Variants in ITGB5 observed in about 807,000 individuals in gnomAD.
The protein encoded by ITGB5 is integrin beta-5.
A neutral mutation model predicts 84.8 loss-of-function variants in ITGB5; 38 were observed. That is an observed-to-expected ratio of 0.45 (90% CI 0.35 to 0.59). The LOEUF (loss-of-function observed/expected upper bound fraction) is 0.59, where lower values mean the gene tolerates loss of function less well. Ranked by LOEUF, ITGB5 falls within the 20% of genes least tolerant of loss-of-function variation. The probability of loss-of-function intolerance (pLI) is 0.01; values close to 1 mark genes in which losing one functional copy is unlikely to be tolerated. For synonymous variants in ITGB5, 393 were observed against 414.4 expected, an observed-to-expected ratio of 0.95 and a Z score of 0.63; for missense variants, 905 against 1,034.5, an observed-to-expected ratio of 0.87 and a Z score of 1.72.
intron 1 of ITGB5, among the ~76,000 whole-genome samples, chr3:124,881,537 A>G (rs72974566): frequency 0.023 from 3,570 of 152,272 alleles, 132 homozygotes; most frequent in African/African-American, 0.081. Context: ...TATACTGGGT[A>G]TAAAAGATCA....
intron 1 of ITGB5, among the ~76,000 whole-genome samples, chr3:124,885,221 G>T (rs190486175): frequency 6.6e-6 from 1 of 152,096 alleles, no homozygotes; most frequent in South Asian, 2.1e-4. Flanking sequence ...AGTGAGCCGA[G>T]ATGGCACCAC....
chr3:124,764,294 A>G lies in ITGB5; in HGVS notation c.2304+97T>C, dbSNP rs1267527239. On this transcript the variant is annotated intron_variant, in intron 14 of 14. Coordinates refer to ENST00000296181, the MANE Select transcript of ITGB5 (RefSeq NM_002213.5). ...TGTTGATTCTTTTGTTTTTAATGCC[A>G]AAGACATTAGTGAGCCTCTATTGCT... The G allele has an allele frequency of 6.9e-6, 9 of 1,301,016 alleles. No individual in the cohort carries two copies. In the East Asian group the frequency reaches 1.4e-4, roughly 20 times the overall value. 80.6% of individuals were successfully genotyped at this position (1,301,016 alleles called of 1,614,324 possible). A position where few individuals can be genotyped will look rare whatever the true frequency, so the allele number is the denominator to read the frequency against.
chr3:124,799,232 T>C lies in ITGB5; in HGVS notation c.1264-2415A>G, dbSNP rs149271355. Reference sequence around the variant, plus strand: ...CAAGGTGAGTAAAGATTCAATCCACTTGGACACTGAAATTGGTTAAAGGAT... The same window carrying C: ...CAAGGTGAGTAAAGATTCAATCCACCTGGACACTGAAATTGGTTAAAGGAT... On this transcript the variant is annotated intron_variant, in intron 9 of 14. Coordinates refer to ENST00000296181, the MANE Select transcript of ITGB5 (RefSeq NM_002213.5). 1.9e-3 allele frequency among the ~76,000 whole-genome samples: 295 copies of C among 152,208 alleles called. 1 individual carries two copies. Among genetic ancestry groups the C allele is most frequent in the African/African-American group, 7.0e-3 (291 of 41,514 alleles).
chr3:124,783,389 A>G (rs1172267896), intron 10 of ITGB5, among the ~76,000 whole-genome samples: 2 of 151,966 alleles, frequency 1.3e-5, no homozygotes, highest in African/African-American at 4.8e-5. Context: ...ACGTAGGTAT[A>G]GAATCACTTG....
intron 10 of ITGB5, chr3:124,781,040 G>T (rs937259733): frequency 3.9e-5 from 6 of 152,392 alleles, no homozygotes; most frequent in Admixed American, 3.9e-4. Context: ...TGGTGTCTGT[G>T]TGGCTGAGGG....
chr3:124,877,137 ATTTTT>A lies in ITGB5; in HGVS notation c.71-3611_71-3607del, dbSNP rs34843039. Among the ~76,000 whole-genome samples the A allele has an allele frequency of 1.9e-3, 240 of 126,746 alleles. 1 individual carries two copies. The highest frequency in any genetic ancestry group is 6.5e-3 in the African/African-American group (217 of 33,164). 83.2% of individuals were successfully genotyped at this position (126,746 alleles called of 152,430 possible). ...AGGTACACATCACCACACCTGGCTA[ATTTTT>A]TTTTTTTTTTTTTGTGGTGGAAGAC... On this transcript the variant is annotated intron_variant, in intron 1 of 14. Coordinates refer to ENST00000296181, the MANE Select transcript of ITGB5 (RefSeq NM_002213.5).
In ITGB5 at chr3:124,868,409, G is replaced by C. The variant is rs554007190; in HGVS notation, c.156+5037C>G. On this transcript the variant is annotated intron_variant, in intron 2 of 14. Transcript: ENST00000296181. ...GTGACCCATACATCCTGGTCTCAGA[G>C]TAGGGGAGAGTCTGGCGACTCTGGA... Among the ~76,000 whole-genome samples the C allele has an allele frequency of 1.8e-4, 27 of 152,192 alleles. No homozygotes were observed. In the Middle Eastern group the frequency reaches 0.01, roughly 58 times the overall value.
intron 9 of ITGB5, among the ~76,000 whole-genome samples, chr3:124,805,644 G>A (rs563745607): frequency 1.4e-4 from 21 of 152,096 alleles, no homozygotes; most frequent in Admixed American, 2.6e-4. Context: ...AGAGATGGGG[G>A]TCTCATTTCA....
rs766548284 is a variant in ITGB5 at position 124,841,374 on chromosome 3, GA to G, written c.780+8del. On this transcript the variant is annotated splice_region_variant and intron_variant, in intron 5 of 14. Coordinates refer to ENST00000296181, the MANE Select transcript of ITGB5 (RefSeq NM_002213.5). ...CCCATGCAGGGACAGGACCAGAAAG[GA>G]AAGTTACCTTGCAGACGGCTGCCTG... 5.0e-6 allele frequency: 8 copies of G among 1,612,946 alleles called. No individual in the cohort carries two copies. Among genetic ancestry groups the G allele is most frequent in the Non-Finnish European group, 5.9e-6 (7 of 1,179,332 alleles).
intron 8 of ITGB5, among the ~76,000 whole-genome samples, chr3:124,815,121 C>G (rs188828024): frequency 2.1e-4 from 32 of 152,322 alleles, no homozygotes; most frequent in African/African-American, 7.5e-4. Flanking sequence ...CTTATGAGAT[C>G]CCATGCATGG....
Position 124,841,995 on chromosome 3 carries a change from C to T in ITGB5, c.612-444G>A, listed in dbSNP as rs61760568. On this transcript the variant is annotated intron_variant, in intron 4 of 14. Transcript: ENST00000296181. ...AGTTACTCCATGCAACCAGCTTCTA[C>T]ATCAATGTTGCTGCCACGCAACAAA... Among the ~76,000 whole-genome samples the T allele has an allele frequency of 7.1e-3, 1,081 of 152,362 alleles. 8 individuals carry two copies. Among genetic ancestry groups the T allele is most frequent in the Non-Finnish European group, 0.013 (852 of 68,038 alleles).
chr3:124,813,267 C>T (rs1272849741), intron 8 of ITGB5, among the ~76,000 whole-genome samples: 1 of 152,182 alleles, frequency 6.6e-6, no homozygotes, highest in Non-Finnish European at 1.5e-5. Flanking sequence ...GTTTTTCCTA[C>T]TCTACTCTCA....
upstream of ITGB5, among the ~76,000 whole-genome samples, chr3:124,888,700 A>G (rs1934926646): frequency 6.6e-6 from 1 of 152,200 alleles, no homozygotes; most frequent in African/African-American, 2.4e-5. Context: ...TGCCTCGTTC[A>G]AAAGTGCAGC....
chr3:124,854,082 C>T (rs1421377274), intron 3 of ITGB5, among the ~76,000 whole-genome samples: 2 of 152,154 alleles, frequency 1.3e-5, no homozygotes, highest in Non-Finnish European at 2.9e-5. Flanking sequence ...AGGTTCTTAT[C>T]CTGACATGTA....
intron 9 of ITGB5, among the ~76,000 whole-genome samples, chr3:124,802,192 C>A (rs1263144497): frequency 6.6e-6 from 1 of 152,220 alleles, no homozygotes; most frequent in African/African-American, 2.4e-5. Context: ...CCTCATTTGT[C>A]CATCTTGAGT....
intron 13 of ITGB5, among the ~76,000 whole-genome samples, chr3:124,764,987 G>C (rs562149445): frequency 6.6e-6 from 1 of 152,208 alleles, no homozygotes; most frequent in African/African-American, 2.4e-5. Flanking sequence ...AGCCTTTAGC[G>C]TGGTGTCCCT....
chr3:124,868,937 T>C (rs2065435839), intron 2 of ITGB5, among the ~76,000 whole-genome samples: 1 of 152,134 alleles, frequency 6.6e-6, no homozygotes, highest in Admixed American at 6.5e-5. Flanking sequence ...GAAAGGACAC[T>C]GATGGACTCA....
At chr3:124,816,388 G>A (rs1160875556) in intron 8 of ITGB5, among the ~76,000 whole-genome samples, 1 of 152,238 alleles carries the variant, frequency 6.6e-6, no homozygotes, top group Non-Finnish European at 1.5e-5. Flanking sequence ...GATGTGTGAT[G>A]CCGTACTGAT....
intron 11 of ITGB5, chr3:124,770,203 G>A (rs993414772): frequency 6.6e-6 from 1 of 152,344 alleles, no homozygotes; most frequent in African/African-American, 2.4e-5. Context: ...CGAAGCTCCA[G>A]GGAGGAGTGG....
Sources: gnomAD v4.1 joint callset for allele counts (sites outside exome capture counted in the v4.1 genomes callset) on GRCh38, gnomAD v4.1.1 for gene constraint, MANE v1.5 for transcripts, NCBI Gene and HGNC (gene_info 2026-07-23, HGNC 2026-07-21) for gene names.